RSRC1: variants seen among roughly 807,000 people sequenced by gnomAD.
The protein encoded by RSRC1 is serine/Arginine-related protein 53.
In RSRC1, 39 loss-of-function variants were observed where a neutral mutation model predicts 49.1. The observed-to-expected ratio is 0.79, with a 90% CI of 0.61 to 1.04. The LOEUF (loss-of-function observed/expected upper bound fraction) is 1.04, where lower values mean the gene tolerates loss of function less well. Ranked by LOEUF, RSRC1 falls within the 50% of genes least tolerant of loss-of-function variation. The probability of loss-of-function intolerance (pLI) is 0.00; values close to 1 mark genes in which losing one functional copy is unlikely to be tolerated. For synonymous variants in RSRC1, 143 were observed against 130.8 expected (o/e 1.09, Z -0.63); for missense variants, 388 against 402.4 (o/e 0.96, Z 0.31).
At chr3:158,341,160 A>G (rs1018253606) in intron 5 of RSRC1, among the ~76,000 whole-genome samples, 3 of 151,490 alleles carry the variant, frequency 2.0e-5, no homozygotes, top group Non-Finnish European at 2.9e-5. Flanking sequence ...TACGCAATAG[A>G]AAAAAAAACA....
At chr3:158,522,162 G>A (rs1167070133) in intron 7 of RSRC1, among the ~76,000 whole-genome samples, 1 of 151,874 alleles carries the variant, frequency 6.6e-6, no homozygotes, top group African/African-American at 2.4e-5. Flanking sequence ...GAATTCATAG[G>A]TCTTATTATC....
At chr3:158,196,552 T>A (rs1028565028) in intron 3 of RSRC1, among the ~76,000 whole-genome samples, 1 of 152,270 alleles carries the variant, frequency 6.6e-6, no homozygotes, top group Non-Finnish European at 1.5e-5. Context: ...ATAGGAGTGG[T>A]GAGAGAGGGC....
At chr3:158,155,571 A>G (rs1397550885) in intron 3 of RSRC1, among the ~76,000 whole-genome samples, 1 of 149,834 alleles carries the variant, frequency 6.7e-6, no homozygotes, top group Non-Finnish European at 1.5e-5. Context: ...AGGTGGGACT[A>G]CAGGAATGCA....
At chr3:158,128,031 T>G (rs555557559) in intron 3 of RSRC1, among the ~76,000 whole-genome samples, 2 of 152,296 alleles carry the variant, frequency 1.3e-5, no homozygotes, top group African/African-American at 4.8e-5. Context: ...TCAATGGTGC[T>G]GAGTCATCCC....
chr3:158,470,850 A>G (rs1403937454), intron 7 of RSRC1, among the ~76,000 whole-genome samples: 3 of 152,188 alleles, frequency 2.0e-5, no homozygotes, highest in Admixed American at 6.5e-5. Flanking sequence ...GTCATTCCCT[A>G]TTAGACTGGG....
intron 3 of RSRC1, among the ~76,000 whole-genome samples, chr3:158,139,695 A>G (rs1716622052): frequency 1.3e-5 from 2 of 148,952 alleles, no homozygotes; most frequent in South Asian, 2.1e-4. Flanking sequence ...GTGCAGTAGC[A>G]TGATCTCGGC....
In RSRC1 at chr3:158,129,276, ATTTC is replaced by A. The variant is rs1267272471; in HGVS notation, c.320+5297_320+5300del. On this transcript the variant is annotated intron_variant, in intron 3 of 9. Coordinates refer to ENST00000611884, the MANE Select transcript of RSRC1 (RefSeq NM_001271838.2). The stretch of plus-strand genomic sequence containing the variant: ...TTTCTTCATACGGAGATCTAGGAAC[ATTTC>A]TTTCTTTCTTTTTTTTTTTTTTTTT... Among the ~76,000 whole-genome samples, 244 of 124,338 alleles carry A rather than the reference ATTTC, an allele frequency of 2.0e-3. No homozygotes were observed. The Middle Eastern group carries it at 0.022, about 11-fold the overall frequency. 81.6% of individuals were successfully genotyped at this position (124,338 alleles called of 152,430 possible). A position where few individuals can be genotyped will look rare whatever the true frequency, so the allele number is the denominator to read the frequency against.
chr3:158,392,042 T>C (rs947154661), intron 6 of RSRC1, among the ~76,000 whole-genome samples: 12 of 152,140 alleles, frequency 7.9e-5, no homozygotes, highest in African/African-American at 2.9e-4. Context: ...CTACTAATTC[T>C]GTTAATGAAA....
At chr3:158,206,950 A>AT (rs1399608232) in intron 4 of RSRC1, among the ~76,000 whole-genome samples, 3 of 152,092 alleles carry the variant, frequency 2.0e-5, no homozygotes, top group Non-Finnish European at 2.9e-5. Flanking sequence ...TTTTAAATGT[A>AT]TTTTTTCAGT....
chr3:158,289,386 A>G (rs1726778235), intron 4 of RSRC1, among the ~76,000 whole-genome samples: 3 of 152,178 alleles, frequency 2.0e-5, no homozygotes, highest in South Asian at 4.1e-4. Context: ...TTGGCTGTTT[A>G]ATATATTTAA....
chr3:158,145,169 C>T (rs1182487856), intron 3 of RSRC1, among the ~76,000 whole-genome samples: 4 of 152,118 alleles, frequency 2.6e-5, no homozygotes, highest in Non-Finnish European at 5.9e-5. Context: ...GCTTTTGTTG[C>T]CATTGCTTTT....
At chr3:158,445,543 C>G (rs764534438) in intron 6 of RSRC1, among the ~76,000 whole-genome samples, 2 of 151,986 alleles carry the variant, frequency 1.3e-5, no homozygotes, top group Non-Finnish European at 2.9e-5. Context: ...TTAGGAGATA[C>G]ACCTAACATA....
chr3:158,526,876 C>A (rs1712064847), intron 7 of RSRC1, among the ~76,000 whole-genome samples: 1 of 151,908 alleles, frequency 6.6e-6, no homozygotes, highest in African/African-American at 2.4e-5. Flanking sequence ...TGGACTTAAG[C>A]TGTCTGCTTT....
At chr3:158,196,324 T>C (rs557832393) in intron 3 of RSRC1, among the ~76,000 whole-genome samples, 34 of 152,248 alleles carry the variant, frequency 2.2e-4, no homozygotes, top group Admixed American at 1.9e-3. Context: ...TGTATAAGAA[T>C]GCTTGTGATG....
At chr3:158,359,826 G>A (rs575170140) in intron 6 of RSRC1, among the ~76,000 whole-genome samples, 2 of 152,286 alleles carry the variant, frequency 1.3e-5, no homozygotes, top group East Asian at 1.9e-4. Context: ...CTGCAACCAG[G>A]AAGAATAAGG....
intron 5 of RSRC1, among the ~76,000 whole-genome samples, chr3:158,345,499 T>C (rs949405961): frequency 3.9e-5 from 6 of 152,196 alleles, no homozygotes; most frequent in Non-Finnish European, 5.9e-5. Flanking sequence ...CAAATTGATA[T>C]GTAGAGTTGG....
At chr3:158,391,996 G>C (rs1289343134) in intron 6 of RSRC1, among the ~76,000 whole-genome samples, 1 of 152,078 alleles carries the variant, frequency 6.6e-6, no homozygotes, top group Non-Finnish European at 1.5e-5. Flanking sequence ...ATTTTTGCCA[G>C]TCTAAGGACC....
At chr3:158,236,135 A>T (rs1024223406) in intron 4 of RSRC1, among the ~76,000 whole-genome samples, 2 of 151,846 alleles carry the variant, frequency 1.3e-5, no homozygotes, top group African/African-American at 2.4e-5. Context: ...AAAAGGAAGA[A>T]GAAAAATAAA....
At chr3:158,269,806 C>T (rs893185814) in intron 4 of RSRC1, among the ~76,000 whole-genome samples, 8 of 152,136 alleles carry the variant, frequency 5.3e-5, no homozygotes, top group Admixed American at 5.2e-4. Context: ...GCCCAGAAAA[C>T]AGATTTCTTA....
Sources: gnomAD v4.1 joint callset for allele counts (sites outside exome capture counted in the v4.1 genomes callset) on GRCh38, gnomAD v4.1.1 for gene constraint, MANE v1.5 for transcripts, NCBI Gene and HGNC (gene_info 2026-07-23, HGNC 2026-07-21) for gene names.